The following PELI2 variants were observed in gnomAD, a reference collection of about 807,000 sequenced individuals.
PELI2 encodes E3 ubiquitin-protein ligase pellino homolog 2.
A neutral mutation model predicts 42.3 loss-of-function variants in PELI2; 23 were observed. The ratio of observed to expected loss-of-function variants is 0.54; its 90% confidence interval spans 0.39 to 0.77. PELI2 has a LOEUF of 0.77. Among genes scored for constraint, PELI2 ranks in the 30% least tolerant of loss-of-function variants. PELI2 has a pLI of 0.00. For synonymous variants in PELI2, 245 were observed against 212.2 expected (o/e 1.15, Z -1.34); for missense variants, 463 against 553.2 (o/e 0.84, Z 1.64).
At position 56,134,199 on chromosome 14, in the gene PELI2, G is replaced by A. The variant is rs112215860; in HGVS notation, c.77+15462G>A. 6.1e-3 allele frequency among the ~76,000 whole-genome samples: 927 copies of A among 152,278 alleles called. 5 individuals carry two copies. Among genetic ancestry groups the A allele is most frequent in the Non-Finnish European group, 0.011 (722 of 68,020 alleles). On this transcript the variant is annotated intron_variant, in intron 1 of 5. Coordinates refer to ENST00000267460, the MANE Select transcript of PELI2 (RefSeq NM_021255.3). ...TCCTTTTAAACTTTAAGAAAGAGAAGGGGTTACAGTCATGAGTACAGAGAT... is the reference window on the plus strand; with the variant it reads ...TCCTTTTAAACTTTAAGAAAGAGAAAGGGTTACAGTCATGAGTACAGAGAT...
rs887933637 is a variant in PELI2 at position 56,278,925 on chromosome 14, G to C, written c.208-751G>C. Reference sequence around the variant, plus strand: ...GAGTCCACTTTATATCGATTTATTTGTTAATTTAGAAACATTAAAAGTATG... The same window carrying C: ...GAGTCCACTTTATATCGATTTATTTCTTAATTTAGAAACATTAAAAGTATG... On this transcript the variant is annotated intron_variant, in intron 2 of 5. Transcript: ENST00000267460. Among the ~76,000 whole-genome samples the C allele has an allele frequency of 5.9e-5, 9 of 152,062 alleles. No individual in the cohort carries two copies. The East Asian group carries it at 1.5e-3, about 26-fold the overall frequency.
At position 56,137,678 on chromosome 14, in the gene PELI2, C is replaced by A. The variant is rs1012595147; in HGVS notation, c.77+18941C>A. Among the ~76,000 whole-genome samples, 4 of 152,152 alleles carry A rather than the reference C, an allele frequency of 2.6e-5. No homozygotes were observed. The East Asian group carries it at 7.7e-4, about 29-fold the overall frequency. On this transcript the variant is annotated intron_variant, in intron 1 of 5. Coordinates refer to ENST00000267460, the MANE Select transcript of PELI2 (RefSeq NM_021255.3). Reference sequence around the variant, plus strand: ...TTCGTGTGTGGAGCTCTAATTTGACCATCAGTTGTTTAAAAAGCAAGATTG... The same window carrying A: ...TTCGTGTGTGGAGCTCTAATTTGACAATCAGTTGTTTAAAAAGCAAGATTG...
chr14:56,127,395 A>G (rs573172517), intron 1 of PELI2, among the ~76,000 whole-genome samples: 9 of 152,300 alleles, frequency 5.9e-5, no homozygotes, highest in South Asian at 4.1e-4. Context: ...ATGTTTTAAC[A>G]CTGCATTTGG....
intron 2 of PELI2, among the ~76,000 whole-genome samples, chr14:56,239,551 G>T (rs1463344296): frequency 6.6e-6 from 1 of 152,128 alleles, no homozygotes; most frequent in Non-Finnish European, 1.5e-5. Context: ...CAACATATTT[G>T]TAAGGTATTT....
At chr14:56,178,065 T>C (rs1885448271) in intron 1 of PELI2, among the ~76,000 whole-genome samples, 1 of 152,240 alleles carries the variant, frequency 6.6e-6, no homozygotes. Context: ...ATTTATACTC[T>C]GCCTCTTTCC....
chr14:56,146,502 C>G (rs939560166), intron 1 of PELI2, among the ~76,000 whole-genome samples: 1 of 152,050 alleles, frequency 6.6e-6, no homozygotes, highest in Non-Finnish European at 1.5e-5. Context: ...GTATAAGATA[C>G]AGTCTGATGG....
At chr14:56,140,425 A>T (rs1397446602) in intron 1 of PELI2, among the ~76,000 whole-genome samples, 2 of 152,262 alleles carry the variant, frequency 1.3e-5, no homozygotes, top group Non-Finnish European at 2.9e-5. Context: ...AGTAGATACA[A>T]CAATAATGTC....
chr14:56,141,573 C>T (rs1038096156), intron 1 of PELI2, among the ~76,000 whole-genome samples: 4 of 152,176 alleles, frequency 2.6e-5, no homozygotes, highest in Non-Finnish European at 5.9e-5. Flanking sequence ...GTTTAATTGA[C>T]TCACAGTTCG....
chr14:56,261,764 C>T (rs149891831), intron 2 of PELI2, among the ~76,000 whole-genome samples: 19 of 152,274 alleles, frequency 1.2e-4, no homozygotes, highest in African/African-American at 4.1e-4. Flanking sequence ...GCACTAACTA[C>T]GCAGAATGTT....
chr14:56,131,335 G>C (rs1295476583), intron 1 of PELI2, among the ~76,000 whole-genome samples: 1 of 152,232 alleles, frequency 6.6e-6, no homozygotes, highest in African/African-American at 2.4e-5. Flanking sequence ...CTTCCTGTGA[G>C]AGCAGTTAAG....
chr14:56,173,483 A>G (rs950741015), intron 1 of PELI2, among the ~76,000 whole-genome samples: 1 of 152,078 alleles, frequency 6.6e-6, no homozygotes, highest in Non-Finnish European at 1.5e-5. Context: ...CATCTCCACC[A>G]TCGCTGCTTT....
intron 2 of PELI2, among the ~76,000 whole-genome samples, chr14:56,205,688 G>C (rs1310747559): frequency 6.6e-6 from 1 of 152,226 alleles, no homozygotes; most frequent in African/African-American, 2.4e-5. Context: ...TTTATGTGGA[G>C]CTGAAGACTT....
intron 1 of PELI2, among the ~76,000 whole-genome samples, chr14:56,166,191 G>A (rs571755029): frequency 6.6e-5 from 10 of 152,062 alleles, no homozygotes; most frequent in African/African-American, 2.2e-4. Flanking sequence ...TCTTATAACC[G>A]GTTATTTTAA....
Position 56,300,400 on chromosome 14 carries a change from A to G in PELI2, c.*3234A>G, listed in dbSNP as rs190586667. The stretch of plus-strand genomic sequence containing the variant: ...TATTTTAAGTTATTACATTTACTGT[A>G]TTGGGAAACTTGAGGAGAACTCTTT... On this transcript the variant is annotated 3_prime_UTR_variant, in exon 6 of 6. Coordinates refer to ENST00000267460, the MANE Select transcript of PELI2 (RefSeq NM_021255.3). 2.6e-5 allele frequency: 4 copies of G among 152,406 alleles called. No homozygotes were observed. The highest frequency in any genetic ancestry group is 9.6e-5 in the African/African-American group (4 of 41,472). 9.4% of individuals were successfully genotyped at this position (152,406 alleles called of 1,614,324 possible). A position where few individuals can be genotyped will look rare whatever the true frequency, so the allele number is the denominator to read the frequency against.
chr14:56,228,824 G>A (rs1226544613), intron 2 of PELI2, among the ~76,000 whole-genome samples: 2 of 152,220 alleles, frequency 1.3e-5, no homozygotes, highest in South Asian at 2.1e-4. Flanking sequence ...GGAAGCGCAA[G>A]AGATCAGGGA....
chr14:56,141,320 C>T (rs542806900), intron 1 of PELI2, among the ~76,000 whole-genome samples: 8 of 152,276 alleles, frequency 5.3e-5, no homozygotes, highest in African/African-American at 1.9e-4. Flanking sequence ...TGTATGTGCG[C>T]CCCTGTGCCC....
At chr14:56,289,252 T>C (rs1004533596) in intron 4 of PELI2, among the ~76,000 whole-genome samples, 1 of 152,174 alleles carries the variant, frequency 6.6e-6, no homozygotes, top group Non-Finnish European at 1.5e-5. Context: ...GAAGGCCAGC[T>C]CCAGGGTTGG....
chr14:56,248,823 G>A (rs1049537732), intron 2 of PELI2, among the ~76,000 whole-genome samples: 11 of 151,962 alleles, frequency 7.2e-5, no homozygotes, highest in Middle Eastern at 3.4e-3. Context: ...AACCCTCCCC[G>A]GGGGTTGCTG....
rs182784760 is a variant in PELI2, at chr14:56,144,858, G to T, written c.77+26121G>T. 658 of 430,334 alleles carry T rather than the reference G, an allele frequency of 1.5e-3. 1 individual carries two copies. The highest frequency in any genetic ancestry group is 0.011 in the African/African-American group (532 of 46,752). 26.7% of individuals were successfully genotyped at this position (430,334 alleles called of 1,614,324 possible). A position where few individuals can be genotyped will look rare whatever the true frequency, so the allele number is the denominator to read the frequency against. On this transcript the variant is annotated intron_variant, in intron 1 of 5. Coordinates refer to ENST00000267460, the MANE Select transcript of PELI2 (RefSeq NM_021255.3). ...CCTGTAATCTCAGCACTTAGTATGGGGCCTTGTACAGGAATAAAAGGAATA... is the reference window on the plus strand; with the variant it reads ...CCTGTAATCTCAGCACTTAGTATGGTGCCTTGTACAGGAATAAAAGGAATA...
Sources: allele counts gnomAD v4.1 joint callset (sites outside exome capture counted in the v4.1 genomes callset), GRCh38; gene constraint gnomAD v4.1.1; transcripts MANE v1.5; gene names NCBI Gene and HGNC (gene_info 2026-07-23, HGNC 2026-07-21).